Variants in SLC35B4 observed in about 807,000 individuals in gnomAD.
SLC35B4 encodes the protein nucleotide sugar transporter SLC35B4.
SLC35B4 carries 28 observed loss-of-function variants against 39.5 expected under a neutral mutation model. That is an observed-to-expected ratio of 0.71 (90% CI 0.53 to 0.97). The LOEUF (loss-of-function observed/expected upper bound fraction) is 0.97, where lower values mean the gene tolerates loss of function less well. Ranked by LOEUF, SLC35B4 falls within the 50% of genes least tolerant of loss-of-function variation. The pLI is 0.00. For synonymous variants in SLC35B4, 145 were observed against 150.4 expected (o/e 0.96, Z 0.26); for missense variants, 334 against 414.3 (o/e 0.81, Z 1.68).
chr7:134,294,591 T>A lies in SLC35B4; in HGVS notation c.*242A>T. 2.3e-6 allele frequency: 1 copy of A among 430,940 alleles called. No homozygotes were observed. Among genetic ancestry groups the A allele is most frequent in the Non-Finnish European group, 4.2e-6 (1 of 237,998 alleles). The allele number at this position is 430,940 out of a possible 1,614,324, so 26.7% of individuals were successfully genotyped here. On this transcript the variant is annotated 3_prime_UTR_variant, in exon 10 of 10. Transcript: ENST00000378509. ...AATATGTCGGTAAACAAAACAGAAATAAATGAATGGGCTGTTCAATAGTCC... is the reference window on the plus strand; with the variant it reads ...AATATGTCGGTAAACAAAACAGAAAAAAATGAATGGGCTGTTCAATAGTCC...
intron 3 of SLC35B4, among the ~76,000 whole-genome samples, 191 bp from the exon 4 acceptor site, chr7:134,305,045 G>A (rs183445058): frequency 4.0e-4 from 61 of 152,190 alleles, no homozygotes; most frequent in Non-Finnish European, 7.8e-4. Flanking sequence ...ATGATGGCCG[G>A]GCGCGGTGGC....
chr7:134,291,733 A>G lies in SLC35B4; in HGVS notation c.*3100T>C, dbSNP rs1053076075. 1 of 152,232 alleles carries G rather than the reference A, an allele frequency of 6.6e-6. No individual in the cohort carries two copies. The highest frequency in any genetic ancestry group is 1.5e-5 in the Non-Finnish European group (1 of 68,046). The allele number at this position is 152,232 out of a possible 1,614,324, so 9.4% of individuals were successfully genotyped here. A position where few individuals can be genotyped will look rare whatever the true frequency, so the allele number is the denominator to read the frequency against. ...TTTGGATTTGTCTAAATACTTTAGAACTTGATATAAATGTATCAAGTACAT... is the reference window on the plus strand; with the variant it reads ...TTTGGATTTGTCTAAATACTTTAGAGCTTGATATAAATGTATCAAGTACAT... On this transcript the variant is annotated 3_prime_UTR_variant, in exon 10 of 10. Transcript: ENST00000378509.
At chr7:134,296,338 T>C (rs1023129234) in intron 9 of SLC35B4, 53 bp downstream of exon 9, 9 of 1,458,656 alleles carry the variant, frequency 6.2e-6, no homozygotes, top group Non-Finnish European at 7.7e-6. Context: ...ACCATTCCTG[T>C]GCCAAAAGAA....
At chr7:134,318,801 G>A (rs1204298505), upstream of SLC35B4, among the ~76,000 whole-genome samples, 1 of 152,152 alleles carries the variant, frequency 6.6e-6, no homozygotes, top group Non-Finnish European at 1.5e-5. Context: ...AATGGCCTGA[G>A]TACTGTAATA....
rs559035266 is a variant in SLC35B4, at chr7:134,292,548, A to T, written c.*2285T>A. On this transcript the variant is annotated 3_prime_UTR_variant, in exon 10 of 10. Coordinates refer to ENST00000378509, the MANE Select transcript of SLC35B4 (RefSeq NM_032826.5). ...GTCTGTGAACATCAACACATACCCA[A>T]TGAAGAAAACTTGTAATGTTTTCAT... 3.3e-5 allele frequency: 5 copies of T among 152,298 alleles called. No homozygotes were observed. The highest frequency in any genetic ancestry group is 1.2e-4 in the African/African-American group (5 of 41,546). The allele number at this position is 152,298 out of a possible 1,614,324, so 9.4% of individuals were successfully genotyped here. A position where few individuals can be genotyped will look rare whatever the true frequency, so the allele number is the denominator to read the frequency against.
chr7:134,313,541 G>A (rs550679445), intron 1 of SLC35B4, among the ~76,000 whole-genome samples: 1 of 152,154 alleles, frequency 6.6e-6, no homozygotes, highest in East Asian at 1.9e-4. Flanking sequence ...GAATATCAAG[G>A]CACTCGTCCA....
intron 8 of SLC35B4, 69 bp from the exon 9 acceptor site, chr7:134,296,535 G>A: frequency 8.9e-7 from 1 of 1,121,948 alleles, no homozygotes; most frequent in Non-Finnish European, 1.3e-6. Flanking sequence ...TTTTGAACAG[G>A]GTAATACAGA....
At chr7:134,316,219 T>G (rs763051022) in intron 1 of SLC35B4, among the ~76,000 whole-genome samples, 39 of 152,262 alleles carry the variant, frequency 2.6e-4, no homozygotes, top group Non-Finnish European at 5.0e-4. Flanking sequence ...GTCAAAAACC[T>G]TTGCTCAAGT....
chr7:134,314,769 C>T (rs755403492), intron 1 of SLC35B4, among the ~76,000 whole-genome samples: 9 of 152,058 alleles, frequency 5.9e-5, no homozygotes, highest in Non-Finnish European at 1.0e-4. Context: ...CCCCTGACCT[C>T]GTGATCCACC....
intron 1 of SLC35B4, among the ~76,000 whole-genome samples, chr7:134,314,850 C>T (rs545012244): frequency 6.6e-6 from 1 of 152,232 alleles, no homozygotes; most frequent in Non-Finnish European, 1.5e-5. Flanking sequence ...TTTATATTTT[C>T]AAATCAATTG....
chr7:134,303,066 C>T (rs1028007543), intron 4 of SLC35B4, among the ~76,000 whole-genome samples: 5 of 152,138 alleles, frequency 3.3e-5, no homozygotes, highest in African/African-American at 1.2e-4. Flanking sequence ...ATTTGATATT[C>T]AAATCCTGGA....
chr7:134,299,639 C>T (rs373787441), intron 7 of SLC35B4, 41 bp from the exon 8 acceptor site: 5 of 1,499,454 alleles, frequency 3.3e-6, no homozygotes, highest in Non-Finnish European at 4.6e-6. Flanking sequence ...AGTGCAAAAA[C>T]ATTATAGAAT....
At position 134,304,391 on chromosome 7, in the gene SLC35B4, C is replaced by CA. The variant is rs200639767; in HGVS notation, c.344+413dup. 3.2e-3 allele frequency among the ~76,000 whole-genome samples: 464 copies of CA among 146,520 alleles called. 3 individuals carry two copies. The highest frequency in any genetic ancestry group is 0.011 in the African/African-American group (445 of 39,680). ...GGATGACAGAGTGAGACCTCGTCTC[C>CA]AAAAAAAAGAAAAAAAAATGTACGT... On this transcript the variant is annotated intron_variant, in intron 4 of 9. Coordinates refer to ENST00000378509, the MANE Select transcript of SLC35B4 (RefSeq NM_032826.5).
chr7:134,295,235 A>T, intron 9 of SLC35B4, 156 bp from the exon 10 acceptor site: 1 of 871,598 alleles, frequency 1.1e-6, no homozygotes, highest in Non-Finnish European at 1.7e-6. Context: ...GAGAACCTGC[A>T]GAACAACTCC....
chr7:134,308,041 G>A (rs560993719), intron 2 of SLC35B4, among the ~76,000 whole-genome samples: 2 of 152,286 alleles, frequency 1.3e-5, no homozygotes, highest in African/African-American at 4.8e-5. Context: ...AATTGTGGAT[G>A]GGGATGAACG....
At chr7:134,297,786 A>G (rs1324852502) in intron 8 of SLC35B4, among the ~76,000 whole-genome samples, 2 of 152,240 alleles carry the variant, frequency 1.3e-5, no homozygotes, top group East Asian at 3.8e-4. Flanking sequence ...CTGTAATCCT[A>G]GCACTTTGGG....
chr7:134,299,428 A>C, intron 8 of SLC35B4, 95 bp downstream of exon 8: 3 of 931,678 alleles, frequency 3.2e-6, no homozygotes, highest in Non-Finnish European at 3.4e-6. Flanking sequence ...TGATTTGAAT[A>C]GGATTATGAA....
chr7:134,316,198 C>T (rs1803970244), intron 1 of SLC35B4, among the ~76,000 whole-genome samples: 1 of 152,192 alleles, frequency 6.6e-6, no homozygotes, highest in Admixed American at 6.5e-5. Context: ...CAAAGTCAGA[C>T]TGCTTTACAA....
At chr7:134,298,066 C>G (rs191662459) in intron 8 of SLC35B4, among the ~76,000 whole-genome samples, 4 of 152,234 alleles carry the variant, frequency 2.6e-5, no homozygotes, top group African/African-American at 9.6e-5. Flanking sequence ...TTAAGAAATT[C>G]TGATACAATG....
Sources: gnomAD v4.1 joint callset for allele counts (sites outside exome capture counted in the v4.1 genomes callset) on GRCh38, gnomAD v4.1.1 for gene constraint, MANE v1.5 for transcripts, NCBI Gene and HGNC (gene_info 2026-07-23, HGNC 2026-07-21) for gene names.